EPB41L4A: variants seen among roughly 807,000 people sequenced by gnomAD.
The protein encoded by EPB41L4A is band 4.1-like protein 4A.
EPB41L4A carries 100 observed loss-of-function variants against 108.6 expected under a neutral mutation model. That is an observed-to-expected ratio of 0.92 (90% CI 0.78 to 1.09). EPB41L4A has a LOEUF of 1.09. Among genes scored for constraint, EPB41L4A ranks in the 50% least tolerant of loss-of-function variants. The pLI, the probability that EPB41L4A is intolerant of heterozygous loss-of-function variation, is 0.00. For missense variants in EPB41L4A, 1,030 were observed against 842.7 expected, an observed-to-expected ratio of 1.22 and a Z score of -2.75; for synonymous variants, 319 against 289.0, an observed-to-expected ratio of 1.10 and a Z score of -1.05.
At chr5:112,344,838 T>C (rs1384388822) in intron 1 of EPB41L4A, among the ~76,000 whole-genome samples, 1 of 152,176 alleles carries the variant, frequency 6.6e-6, no homozygotes, top group Non-Finnish European at 1.5e-5. Flanking sequence ...CTGGTTCTCT[T>C]TCTCTGGTAG....
chr5:112,307,599 T>G (rs1754779300), intron 1 of EPB41L4A, 109 bp from the exon 2 acceptor site: 1 of 654,890 alleles, frequency 1.5e-6, no homozygotes, highest in African/African-American at 1.8e-5. Context: ...GCAGCAATTG[T>G]ATCAGACCAT....
intron 1 of EPB41L4A, among the ~76,000 whole-genome samples, chr5:112,389,842 C>T (rs1216283565): frequency 6.6e-6 from 1 of 152,040 alleles, no homozygotes; most frequent in East Asian, 1.9e-4. Context: ...CACAACAATG[C>T]TAGAATTAGG....
At chr5:112,284,169 G>A (rs1182097876) in intron 2 of EPB41L4A, among the ~76,000 whole-genome samples, 1 of 152,182 alleles carries the variant, frequency 6.6e-6, no homozygotes, top group African/African-American at 2.4e-5. Context: ...TTCCAGAAAG[G>A]GAAGTAGTCC....
intron 1 of EPB41L4A, among the ~76,000 whole-genome samples, chr5:112,333,232 G>T (rs1342001889): frequency 6.6e-6 from 1 of 151,876 alleles, no homozygotes; most frequent in African/African-American, 2.4e-5. Context: ...CATTTCTTGG[G>T]GCAAGCTCCT....
intron 18 of EPB41L4A, among the ~76,000 whole-genome samples, chr5:112,180,468 C>A (rs1334235358): frequency 1.3e-5 from 2 of 152,104 alleles, no homozygotes; most frequent in African/African-American, 2.4e-5. Context: ...AATGAAAAGT[C>A]TTTTCAAAAA....
chr5:112,386,561 GATGTAACCGT>G (rs1189387116), intron 1 of EPB41L4A, among the ~76,000 whole-genome samples: 6 of 152,146 alleles, frequency 3.9e-5, no homozygotes, highest in African/African-American at 1.4e-4. Context: ...AATATTATTG[GATGTAACCGT>G]CAGGCTCTGA....
intron 2 of EPB41L4A, among the ~76,000 whole-genome samples, chr5:112,292,020 C>A (rs1753674267): frequency 6.6e-6 from 1 of 152,144 alleles, no homozygotes. Flanking sequence ...CTCTACATAC[C>A]ACCCAATGGA....
At chr5:112,222,718 C>G (rs1748153063) in intron 12 of EPB41L4A, among the ~76,000 whole-genome samples, 1 of 152,142 alleles carries the variant, frequency 6.6e-6, no homozygotes, top group Non-Finnish European at 1.5e-5. Context: ...CTTGGTTGTC[C>G]CCAGATAACT....
At chr5:112,381,039 G>C (rs1760144842) in intron 1 of EPB41L4A, among the ~76,000 whole-genome samples, 1 of 152,140 alleles carries the variant, frequency 6.6e-6, no homozygotes, top group Non-Finnish European at 1.5e-5. Context: ...GGCACCTTCT[G>C]GGGATATCCA....
chr5:112,361,885 CAAAT>C (rs1758791024), intron 1 of EPB41L4A, among the ~76,000 whole-genome samples: 2 of 151,926 alleles, frequency 1.3e-5, no homozygotes, highest in African/African-American at 4.8e-5. Context: ...GACCCTGTCT[CAAAT>C]AAATAAAAAT....
intron 1 of EPB41L4A, among the ~76,000 whole-genome samples, chr5:112,384,073 G>A (rs1486855200): frequency 6.6e-6 from 1 of 152,150 alleles, no homozygotes; most frequent in Non-Finnish European, 1.5e-5. Context: ...AATCTAGAGA[G>A]ACAGGAAGTA....
chr5:112,353,426 GT>G (rs1209330590), intron 1 of EPB41L4A, among the ~76,000 whole-genome samples: 1 of 152,148 alleles, frequency 6.6e-6, no homozygotes, highest in Admixed American at 6.5e-5. Flanking sequence ...GGAAGCAGTG[GT>G]GGTAGAACAA....
intron 1 of EPB41L4A, among the ~76,000 whole-genome samples, chr5:112,407,390 AC>A (rs1441560475): frequency 1.3e-5 from 2 of 152,164 alleles, no homozygotes; most frequent in African/African-American, 4.8e-5. Context: ...AAATGCCTTA[AC>A]CTACAATCCT....
At chr5:112,377,215 G>GA (rs576720562) in intron 1 of EPB41L4A, among the ~76,000 whole-genome samples, 2,822 of 101,568 alleles carry the variant, frequency 0.028, 68 homozygotes, top group African/African-American at 0.067. Flanking sequence ...CTGTTTGTTT[G>GA]AAAAAAAAAA....
At chr5:112,251,290 C>T (rs996685014) in intron 9 of EPB41L4A, among the ~76,000 whole-genome samples, 5 of 152,108 alleles carry the variant, frequency 3.3e-5, no homozygotes, top group Admixed American at 6.6e-5. Context: ...GGGAATTTAA[C>T]CCATGGATAT....
At chr5:112,366,926 G>A (rs1051943758) in intron 1 of EPB41L4A, among the ~76,000 whole-genome samples, 3 of 152,164 alleles carry the variant, frequency 2.0e-5, no homozygotes, top group Non-Finnish European at 2.9e-5. Flanking sequence ...AGCCCTCAAA[G>A]TATATCTGAA....
intron 1 of EPB41L4A, among the ~76,000 whole-genome samples, chr5:112,358,822 T>C (rs1319701043): frequency 1.3e-5 from 2 of 152,212 alleles, no homozygotes; most frequent in Non-Finnish European, 2.9e-5. Context: ...GGATAAATTA[T>C]AGTATATTCA....
intron 9 of EPB41L4A, among the ~76,000 whole-genome samples, chr5:112,252,520 G>C (rs1219185399): frequency 6.6e-6 from 1 of 152,164 alleles, no homozygotes; most frequent in Non-Finnish European, 1.5e-5. Context: ...CCAAAGGCAG[G>C]AGTCAGATTG....
At chr5:112,418,487 A>G (rs1423463557) in intron 1 of EPB41L4A, among the ~76,000 whole-genome samples, 3 of 152,066 alleles carry the variant, frequency 2.0e-5, no homozygotes, top group Non-Finnish European at 4.4e-5. Flanking sequence ...AACAATCACA[A>G]TGACCCATTA....
Sources: gnomAD v4.1 joint callset for allele counts (sites outside exome capture counted in the v4.1 genomes callset) on GRCh38, gnomAD v4.1.1 for gene constraint, MANE v1.5 for transcripts, NCBI Gene and HGNC (gene_info 2026-07-23, HGNC 2026-07-21) for gene names.